Variants in RIF1 observed in about 807,000 individuals in gnomAD.
The protein encoded by RIF1 is replication timing regulatory factor 1.
In RIF1, 45 loss-of-function variants were observed where a neutral mutation model predicts 247.1. The ratio of observed to expected loss-of-function variants is 0.18; its 90% CI spans 0.14 to 0.23. The LOEUF (loss-of-function observed/expected upper bound fraction) is 0.23, where lower values mean the gene tolerates loss of function less well. RIF1 is among the 10% of genes least tolerant of loss of function. RIF1 has a pLI of 1.00. For synonymous variants in RIF1, 1,087 were observed against 978.8 expected, an observed-to-expected ratio of 1.11 and a Z score of -2.06; for missense variants, 2,967 against 2,862.5, an observed-to-expected ratio of 1.04 and a Z score of -0.83.
downstream of RIF1, among the ~76,000 whole-genome samples, chr2:151,510,635 ATTG>A (rs746885793): frequency 5.9e-5 from 9 of 152,174 alleles, no homozygotes; most frequent in Non-Finnish European, 1.3e-4. Context: ...ATTACAGTAT[ATTG>A]TTATAATTGT....
At chr2:151,491,415 T>A (rs1471906163) in intron 9 of RIF1, 5 of 333,700 alleles carry the variant, frequency 1.5e-5, no homozygotes, top group Non-Finnish European at 2.3e-5. Flanking sequence ...TCCAATAGAA[T>A]TACTACTGTT....
chr2:151,443,373 T>G (rs754436564), intron 17 of RIF1, 44 bp downstream of exon 17: 3 of 1,378,080 alleles, frequency 2.2e-6, no homozygotes, highest in Non-Finnish European at 3.1e-6. Context: ...GGAAAGGTTA[T>G]GTAATGAATG....
At chr2:151,519,783 A>C in the RIF1 span, 1 of 1,509,800 alleles carries the variant, frequency 6.6e-7, no homozygotes, top group Non-Finnish European at 9.2e-7. Flanking sequence ...CAGCAAATGC[A>C]AACATCCAAA....
At chr2:151,434,801 A>G (rs961411654) in intron 10 of RIF1, among the ~76,000 whole-genome samples, 1 of 151,636 alleles carries the variant, frequency 6.6e-6, no homozygotes, top group Non-Finnish European at 1.5e-5. Context: ...TCATTTCTTT[A>G]TCACTTATTT....
chr2:151,449,627 GTCTTC>G (rs2152428401), intron 20 of RIF1, among the ~76,000 whole-genome samples: 1 of 152,188 alleles, frequency 6.6e-6, no homozygotes, highest in South Asian at 2.1e-4. Context: ...TTGTTCTGAA[GTCTTC>G]TCTTTTCTTG....
Position 151,473,949 on chromosome 2 carries a change from C to A in RIF1, c.7096-15C>A. On this transcript the variant is annotated splice_polypyrimidine_tract_variant and intron_variant, in intron 34 of 35. Coordinates refer to ENST00000444746, the MANE Select transcript of RIF1 (RefSeq NM_018151.5). The stretch of plus-strand genomic sequence containing the variant: ...TTGTTGTTTTGCGTTTTTTTCTGCT[C>A]CAACTGTAATCAAGGTGAAGACTCG... 1 of 1,415,050 alleles carries A rather than the reference C, an allele frequency of 7.1e-7. No individual in the cohort carries two copies. Among genetic ancestry groups the A allele is most frequent in the Non-Finnish European group, 1.0e-6 (1 of 1,004,918 alleles). The allele number at this position is 1,415,050 out of a possible 1,614,324, so 87.7% of individuals were successfully genotyped here.
chr2:151,482,350 G>A (rs1047077295), downstream of RIF1, among the ~76,000 whole-genome samples: 10 of 152,008 alleles, frequency 6.6e-5, no homozygotes, highest in African/African-American at 2.4e-4. Context: ...TAACCACAGA[G>A]GTTTTCTGAT....
At position 151,465,400 on chromosome 2, in the gene RIF1, T is replaced by G; in HGVS notation, c.5880T>G (p.Asn1960Lys). Reference sequence around the variant, plus strand: ...CTGAAGCAGACACAGCTAAACTGAATGCCAAAGAAGTAGCAACTGAGGAAT... The same window carrying G: ...CTGAAGCAGACACAGCTAAACTGAAGGCCAAAGAAGTAGCAACTGAGGAAT... ...DDSEADTAKL[N>K]AKEVATEEFN... Residue 1960 changes from asparagine (N) to lysine (K), a missense_variant, in exon 30 of 36, where the codon AAT (asparagine) becomes AAG (lysine). Around this residue, in one of 7 missense-constraint regions of RIF1, gnomAD observed 2,028 missense variants for 1,825.6 expected, o/e 1.11. Transcript: ENST00000444746. The G allele has an allele frequency of 6.2e-7, 1 of 1,613,618 alleles. No homozygotes were observed. Among genetic ancestry groups the G allele is most frequent in the Non-Finnish European group, 8.5e-7 (1 of 1,179,834 alleles).
At chr2:151,466,744 A>G (rs901213785) in intron 30 of RIF1, among the ~76,000 whole-genome samples, 22 of 152,248 alleles carry the variant, frequency 1.4e-4, no homozygotes, top group African/African-American at 5.3e-4. Context: ...GGAAAAGTTA[A>G]ATGTATTTAC....
chr2:151,518,272 G>T, the RIF1 span: 1 of 1,328,608 alleles, frequency 7.5e-7, no homozygotes, highest in Non-Finnish European at 1.1e-6. Flanking sequence ...ACATTGTACT[G>T]TGGATGAATG....
the RIF1 span, among the ~76,000 whole-genome samples, chr2:151,522,842 T>C: frequency 1.3e-5 from 2 of 151,936 alleles, no homozygotes; most frequent in Non-Finnish European, 1.5e-5. Context: ...CCGCCTAGAG[T>C]ACGCAGCAAG....
At chr2:151,512,935 G>C (rs1417646991), downstream of RIF1, 1 of 773,292 alleles carries the variant, frequency 1.3e-6, no homozygotes, top group Admixed American at 2.3e-5. Flanking sequence ...TCTTTTCCAA[G>C]AGGGACTCAT....
intron 8 of RIF1, among the ~76,000 whole-genome samples, chr2:151,426,888 C>T (rs1472964924): frequency 1.3e-5 from 2 of 151,718 alleles, no homozygotes; most frequent in Non-Finnish European, 2.9e-5. Context: ...CTAAAGCAAT[C>T]CATCTGCCTC....
At chr2:151,410,899 TAA>T (rs1573817838) in intron 2 of RIF1, among the ~76,000 whole-genome samples, 1 of 152,188 alleles carries the variant, frequency 6.6e-6, no homozygotes, top group Non-Finnish European at 1.5e-5. Context: ...TGATTTTTAT[TAA>T]TTGCAAAATG....
At chr2:151,519,030 C>T in the RIF1 span, 7 of 1,613,542 alleles carry the variant, frequency 4.3e-6, no homozygotes, top group Admixed American at 1.7e-5. Context: ...ATGTCAGTCA[C>T]GGGTTTGTGA....
chr2:151,481,980 T>C lies in RIF1; in HGVS notation c.*6909T>C, dbSNP rs969570266. 2.0e-5 allele frequency: 3 copies of C among 152,004 alleles called. No individual in the cohort carries two copies. Among genetic ancestry groups the C allele is most frequent in the African/African-American group, 7.3e-5 (3 of 41,376 alleles). 9.4% of individuals were successfully genotyped at this position (152,004 alleles called of 1,614,324 possible). A position where few individuals can be genotyped will look rare whatever the true frequency, so the allele number is the denominator to read the frequency against. On this transcript the variant is annotated 3_prime_UTR_variant, in exon 36 of 36. Coordinates refer to ENST00000444746, the MANE Select transcript of RIF1 (RefSeq NM_018151.5). ...CCACTGCTTTATACAGTGTTTGAAG[T>C]AGGCACACTTACAGTTACTATTTCT... is the stretch of plus-strand genomic sequence containing the variant.
At chr2:151,425,731 A>G (rs1688951029) in intron 8 of RIF1, among the ~76,000 whole-genome samples, 2 of 128,096 alleles carry the variant, frequency 1.6e-5, no homozygotes, top group Admixed American at 2.0e-4. Flanking sequence ...CAGTGGCATG[A>G]TCTCGGCTCA....
chr2:151,505,192 T>C (rs968734370), intron 12 of RIF1, among the ~76,000 whole-genome samples: 15 of 152,192 alleles, frequency 9.9e-5, no homozygotes, highest in African/African-American at 3.1e-4. Context: ...ACATTTTACT[T>C]TGGAAACGAA....
At chr2:151,529,127 C>T in the RIF1 span, 11 of 898,914 alleles carry the variant, frequency 1.2e-5, no homozygotes, top group South Asian at 1.5e-4. Context: ...GCTGAATTGC[C>T]TGAAGAGATG....
Sources: gnomAD v4.1 joint callset for allele counts (sites outside exome capture counted in the v4.1 genomes callset) on GRCh38, gnomAD v4.1.1 for gene constraint, gnomAD v4.1.1 regional missense constraint, MANE v1.5 for transcripts, NCBI Gene and HGNC (gene_info 2026-07-23, HGNC 2026-07-21) for gene names.